Variants in HIF3A observed in about 807,000 individuals in gnomAD.
The protein encoded by HIF3A is hypoxia inducible factor 3 subunit alpha.
In HIF3A, 41 loss-of-function variants were observed where a neutral mutation model predicts 67.2. The ratio of observed to expected loss-of-function variants is 0.61; its 90% CI spans 0.48 to 0.79. The LOEUF is 0.79. HIF3A is among the 30% of genes least tolerant of loss of function. The pLI is 0.00. For missense variants in HIF3A, 855 were observed against 898.0 expected, an observed-to-expected ratio of 0.95 and a Z score of 0.61; for synonymous variants, 356 against 374.8, an observed-to-expected ratio of 0.95 and a Z score of 0.58.
At chr19:46,336,880 G>A (rs552251500) in intron 14 of HIF3A, among the ~76,000 whole-genome samples, 5 of 152,248 alleles carry the variant, frequency 3.3e-5, no homozygotes, top group Middle Eastern at 3.4e-3. Context: ...CCAACTACTC[G>A]GGAGGCTGAG....
chr19:46,333,788 CTTTTTTTTTTTT>C (rs1165101162), intron 13 of HIF3A, among the ~76,000 whole-genome samples: 3 of 103,564 alleles, frequency 2.9e-5, no homozygotes, highest in Middle Eastern at 5.4e-3. Flanking sequence ...TTCTTTCTTT[CTTTTTTTTTTTT>C]TTTTTTTTTT....
chr19:46,312,920 C>T (rs1318036794), intron 8 of HIF3A: 9 of 900,754 alleles, frequency 1.0e-5, no homozygotes, highest in African/African-American at 8.5e-5. Flanking sequence ...TTGCGTGAAC[C>T]TCTGCTTAAG....
chr19:46,304,015 C>G lies in HIF3A; in HGVS notation c.144C>G (p.Ser48Arg). The change falls in exon 2 of 15, where the codon AGC becomes AGG. Residue 48 changes from serine (S) to arginine (R), a missense_variant. Ser to Arg is a moderately radical substitution (Grantham distance 110). Around this residue, in one of 3 missense-constraint regions of HIF3A, gnomAD observed 638 missense variants for 660.5 expected, o/e 0.97. Coordinates refer to ENST00000377670, the MANE Select transcript of HIF3A (RefSeq NM_152795.4). Reference protein sequence around the residue: ...AHTLPFARGVSAHLDKASIMR... With the variant: ...AHTLPFARGVRAHLDKASIMR... ...CGCTGCCCTTCGCCCGCGGCGTCAG[C>G]GCCCACCTGGACAAGGCCTCTATCA... 1 of 1,593,578 alleles carries G rather than the reference C, an allele frequency of 6.3e-7. No individual in the cohort carries two copies. Among genetic ancestry groups the G allele is most frequent in the Non-Finnish European group, 8.5e-7 (1 of 1,170,800 alleles).
intron 6 of HIF3A, chr19:46,310,677 G>A (rs1479449884): frequency 1.3e-5 from 6 of 445,928 alleles, no homozygotes; most frequent in South Asian, 3.2e-5. Flanking sequence ...TTGTACAGTC[G>A]TTCTGAGCAG....
chr19:46,332,983 G>GAA (rs538814072), intron 13 of HIF3A, among the ~76,000 whole-genome samples: 2 of 109,442 alleles, frequency 1.8e-5, no homozygotes. Flanking sequence ...CTCCCTCTCA[G>GAA]AAAAAAAAAA....
Position 46,304,037 on chromosome 19 carries a change from A to G in HIF3A, c.166A>G (p.Ile56Val), listed in dbSNP as rs1299049832. Residue 56 changes from isoleucine (I) to valine (V), a missense_variant, in exon 2 of 15, where the codon ATC becomes GTC. By Grantham distance (29) the Ile-to-Val change is conservative. Transcript: ENST00000377670. ...GVSAHLDKAS[I>V]MRLTISYLRM... ...CAGCGCCCACCTGGACAAGGCCTCTATCATGCGCCTCACCATCAGCTACCT... is the reference window on the plus strand; with the variant it reads ...CAGCGCCCACCTGGACAAGGCCTCTGTCATGCGCCTCACCATCAGCTACCT... 6 of 1,589,682 alleles carry G rather than the reference A, an allele frequency of 3.8e-6. No homozygotes were observed. The Admixed American group carries it at 7.0e-5, about 19-fold the overall frequency.
intron 14 of HIF3A, among the ~76,000 whole-genome samples, chr19:46,336,677 G>A (rs1971647390): frequency 1.4e-5 from 2 of 144,506 alleles, no homozygotes; most frequent in Admixed American, 1.4e-4. Context: ...GTGAGCCACC[G>A]CACCAGGCCC....
In HIF3A at chr19:46,308,631, G is replaced by A. The variant is rs78435595; in HGVS notation, c.449-32G>A. 2,500 of 1,384,642 alleles carry A rather than the reference G, an allele frequency of 1.8e-3. 35 individuals are homozygous for A. In the African/African-American group the frequency reaches 0.031, roughly 17 times the overall value. The allele number at this position is 1,384,642 out of a possible 1,614,324, so 85.8% of individuals were successfully genotyped here. On this transcript the variant is annotated intron_variant, in intron 4 of 14. Transcript: ENST00000377670. Reference sequence around the variant, plus strand: ...GCACTGGGCCTGTGTGTAGCTGCCTGTGACCTCCCCGCTGCCCCCGGGCCT... The same window carrying A: ...GCACTGGGCCTGTGTGTAGCTGCCTATGACCTCCCCGCTGCCCCCGGGCCT...
At chr19:46,316,050 G>A (rs868029426) in intron 8 of HIF3A, among the ~76,000 whole-genome samples, 5 of 152,112 alleles carry the variant, frequency 3.3e-5, no homozygotes, top group African/African-American at 9.7e-5. Context: ...GGTCAACATG[G>A]TGAAACTCCA....
intron 13 of HIF3A, among the ~76,000 whole-genome samples, chr19:46,332,684 A>G (rs910031006): frequency 6.6e-6 from 1 of 152,046 alleles, no homozygotes; most frequent in Non-Finnish European, 1.5e-5. Context: ...GATGTGGTTG[A>G]TAATATAACA....
In HIF3A at chr19:46,342,826, CTACCCTCT is replaced by C. The variant is rs1186103160; in HGVS notation, c.*3205_*3212del. The C allele has an allele frequency of 2.0e-5, 3 of 152,286 alleles. No homozygotes were observed. Among genetic ancestry groups the C allele is most frequent in the African/African-American group, 7.2e-5 (3 of 41,432 alleles). The allele number at this position is 152,286 out of a possible 1,614,324, so 9.4% of individuals were successfully genotyped here. A position where few individuals can be genotyped will look rare whatever the true frequency, so the allele number is the denominator to read the frequency against. On this transcript the variant is annotated 3_prime_UTR_variant, in exon 15 of 15. Coordinates refer to ENST00000377670, the MANE Select transcript of HIF3A (RefSeq NM_152795.4). Reference sequence around the variant, plus strand: ...TCTTAAGTTTTCCCATTCTAAACCCCTACCCTCTAGGCTGTGCTGCTCCTGGACTTCAT... The same window carrying C: ...TCTTAAGTTTTCCCATTCTAAACCCCAGGCTGTGCTGCTCCTGGACTTCAT...
intron 2 of HIF3A, among the ~76,000 whole-genome samples, chr19:46,304,851 G>GA (rs1270616294): frequency 7.2e-6 from 1 of 139,094 alleles, no homozygotes; most frequent in East Asian, 2.6e-4. Context: ...TGCCCTCCAT[G>GA]AGTTTGAACC....
rs1437467244 is a variant in HIF3A at position 46,329,384 on chromosome 19, C to A, written c.1618C>A (p.Leu540Ile). ...ACCTCCAGCCCTTGAGCCCTCCCTG[C>A]TACCCCGCTGGGGGAGTGACCCCCG... is the stretch of plus-strand genomic sequence containing the variant. ...LSPPALEPSLLPRWGSDPRLS... is the reference protein window; with the variant it reads ...LSPPALEPSLIPRWGSDPRLS... Residue 540 changes from leucine to isoleucine, a missense_variant, in exon 12 of 15, where the codon CTA (leucine) becomes ATA (isoleucine). By Grantham distance (5) the Leu-to-Ile change is conservative (BLOSUM62 2). Coordinates refer to ENST00000377670, the MANE Select transcript of HIF3A (RefSeq NM_152795.4). The A allele has an allele frequency of 6.2e-7, 1 of 1,611,178 alleles. No homozygotes were observed. Among genetic ancestry groups the A allele is most frequent in the Non-Finnish European group, 8.5e-7 (1 of 1,178,584 alleles).
intron 14 of HIF3A, 74 bp downstream of exon 14, chr19:46,335,060 T>C: frequency 8.3e-7 from 1 of 1,199,686 alleles, no homozygotes; most frequent in Non-Finnish European, 1.2e-6. Flanking sequence ...ATGGAGCCAT[T>C]CCAAAGGTGC....
chr19:46,335,904 G>A (rs976137976), intron 14 of HIF3A, among the ~76,000 whole-genome samples: 1 of 151,812 alleles, frequency 6.6e-6, no homozygotes, highest in African/African-American at 2.4e-5. Flanking sequence ...TGGTGAGTGT[G>A]GTGGCACGCA....
chr19:46,339,965 TG>T lies in HIF3A; in HGVS notation c.*350del, dbSNP rs912648453. On this transcript the variant is annotated 3_prime_UTR_variant, in exon 15 of 15. Transcript: ENST00000377670. The stretch of plus-strand genomic sequence containing the variant: ...TTGGGGAATCAGGGGTGAGGAGGGT[TG>T]GGGGGGTCATATCTGTGTTTCCAGG... 2.3e-4 allele frequency: 57 copies of T among 249,362 alleles called. No homozygotes were observed. The highest frequency in any genetic ancestry group is 9.1e-4 in the African/African-American group (41 of 44,826). 15.4% of individuals were successfully genotyped at this position (249,362 alleles called of 1,614,324 possible).
chr19:46,336,487 C>G (rs1971630562), intron 14 of HIF3A, among the ~76,000 whole-genome samples: 1 of 152,058 alleles, frequency 6.6e-6, no homozygotes, highest in Non-Finnish European at 1.5e-5. Flanking sequence ...CCCACCTCAG[C>G]CTCCCAAGTA....
At chr19:46,322,745 G>C (rs1289118527) in intron 10 of HIF3A, among the ~76,000 whole-genome samples, 1 of 151,960 alleles carries the variant, frequency 6.6e-6, no homozygotes, top group African/African-American at 2.4e-5. Context: ...CTGGCTCTTT[G>C]GGTTTGATTA....
At chr19:46,316,664 G>A (rs1206728786) in intron 8 of HIF3A, among the ~76,000 whole-genome samples, 1 of 152,048 alleles carries the variant, frequency 6.6e-6, no homozygotes, top group African/African-American at 2.4e-5. Context: ...TTAGCCAGAT[G>A]TGGTGGCGTG....
Sources: allele counts gnomAD v4.1 joint callset (sites outside exome capture counted in the v4.1 genomes callset), GRCh38; gene constraint gnomAD v4.1.1; regional missense constraint gnomAD v4.1.1; transcripts MANE v1.5; gene names NCBI Gene and HGNC (gene_info 2026-07-23, HGNC 2026-07-21).